The following QRFPR variants were observed in gnomAD, a reference collection of about 807,000 sequenced individuals.
QRFPR encodes pyroglutamylated RF-amide peptide receptor.
QRFPR carries 37 observed loss-of-function variants against 31.3 expected under a neutral mutation model. The ratio of observed to expected loss-of-function variants is 1.18; its 90% CI spans 0.91 to 1.56. The LOEUF (loss-of-function observed/expected upper bound fraction) is 1.56. QRFPR is among the 40% of genes most tolerant of loss of function. The pLI, the probability that QRFPR is intolerant of heterozygous loss-of-function variation, is 0.00. For missense variants in QRFPR, 542 were observed against 532.5 expected (o/e 1.02, Z -0.18); for synonymous variants, 197 against 192.0 (o/e 1.03, Z -0.22).
intron 1 of QRFPR, among the ~76,000 whole-genome samples, chr4:121,365,847 T>C (rs1726127058): frequency 1.4e-5 from 2 of 144,106 alleles, no homozygotes; most frequent in South Asian, 4.3e-4. Flanking sequence ...TGTAGTTTTA[T>C]CTGTAGAATA....
chr4:121,336,526 A>C (rs56272601), intron 3 of QRFPR, among the ~76,000 whole-genome samples: 39,242 of 152,160 alleles, frequency 0.26, 5,729 homozygotes, highest in Non-Finnish European at 0.34. Context: ...GACACTGGGA[A>C]AAGCATACTC....
intron 1 of QRFPR, chr4:121,370,104 G>A: frequency 1.3e-6 from 1 of 769,798 alleles, no homozygotes; most frequent in South Asian, 1.4e-5. Flanking sequence ...ACAGGGACTG[G>A]CAGGGGAGGG....
Position 121,336,869 on chromosome 4 carries a change from C to T in QRFPR, c.500-1G>A. 3 of 1,613,900 alleles carry T rather than the reference C, an allele frequency of 1.9e-6. No homozygotes were observed. The highest frequency in any genetic ancestry group is 1.7e-6 in the Non-Finnish European group (2 of 1,179,774). ...ATGACTGCCACCAGCCAGACCACAC[C>T]TGTAAAAGTGTTAAAGTCATGAGAG... On this transcript the variant is annotated splice_acceptor_variant, in intron 2 of 5. Transcript: ENST00000394427. LOFTEE classifies it high-confidence loss of function.
chr4:121,332,588 C>T (rs935031414), intron 4 of QRFPR, among the ~76,000 whole-genome samples: 3 of 152,182 alleles, frequency 2.0e-5, no homozygotes, highest in African/African-American at 7.2e-5. Context: ...AATTCCAAGT[C>T]AGTTTCTACC....
At position 121,380,628 on chromosome 4, in the gene QRFPR, G is replaced by A. The variant is rs1726474479; in HGVS notation, c.20C>T (p.Thr7Ile). ...CAGCAGCCGAGAGAACTGCTCCGGG[G>A]TAATGTTAAGCGCCTGCATTGCTGT... MQALNI[T>I]PEQFSRLLRD... Residue 7 changes from threonine (T) to isoleucine (I), a missense_variant, in exon 1 of 6, where the codon ACC (threonine) becomes ATC (isoleucine). Transcript: ENST00000394427. The A allele has an allele frequency of 6.3e-7, 1 of 1,576,880 alleles. No individual in the cohort carries two copies.
chr4:121,331,175 G>GTTTTTTTT (rs397995185), intron 4 of QRFPR, among the ~76,000 whole-genome samples: 2 of 69,038 alleles, frequency 2.9e-5, no homozygotes, highest in Non-Finnish European at 5.0e-5. Flanking sequence ...TATATCTTGG[G>GTTTTTTTT]TTTTTTTTTT....
chr4:121,354,037 C>T (rs373248189), intron 1 of QRFPR, among the ~76,000 whole-genome samples: 31 of 151,910 alleles, frequency 2.0e-4, no homozygotes, highest in African/African-American at 4.1e-4. Context: ...AATTTATTCC[C>T]GGGTTCTTTA....
In QRFPR at chr4:121,333,122, G is replaced by T. The variant is rs1351453018; in HGVS notation, c.562-66C>A. Reference sequence around the variant, plus strand: ...GCATCAAAAAACAGAAATCAGCCAAGTATTATTGCAACACAACATTTTTTA... The same window carrying T: ...GCATCAAAAAACAGAAATCAGCCAATTATTATTGCAACACAACATTTTTTA... On this transcript the variant is annotated intron_variant, in intron 3 of 5. Coordinates refer to ENST00000394427, the MANE Select transcript of QRFPR (RefSeq NM_198179.3). The T allele has an allele frequency of 4.9e-6, 5 of 1,029,924 alleles. No homozygotes were observed. The Admixed American group carries it at 8.6e-5, about 18-fold the overall frequency. The allele number at this position is 1,029,924 out of a possible 1,614,324, so 63.8% of individuals were successfully genotyped here.
intron 1 of QRFPR, among the ~76,000 whole-genome samples, chr4:121,379,616 A>AT (rs993640918): frequency 6.6e-6 from 1 of 151,734 alleles, no homozygotes; most frequent in Non-Finnish European, 1.5e-5. Flanking sequence ...CTCCTCTGTC[A>AT]TTTTTTTTCC....
intron 1 of QRFPR, among the ~76,000 whole-genome samples, chr4:121,375,009 A>G (rs550069224): frequency 2.0e-4 from 31 of 152,120 alleles, no homozygotes; most frequent in Non-Finnish European, 4.4e-4. Context: ...CCACAGCAGG[A>G]TGAAAGTGGA....
intron 4 of QRFPR, among the ~76,000 whole-genome samples, chr4:121,331,862 A>G (rs1725333973): frequency 6.6e-6 from 1 of 152,078 alleles, no homozygotes; most frequent in Non-Finnish European, 1.5e-5. Flanking sequence ...CATGTCGGTC[A>G]GGCTGGTCTC....
Position 121,332,859 on chromosome 4 carries a change from A to G in QRFPR, c.759T>C (p.Leu253=), listed in dbSNP as rs55975435. ...ACATTTCTTTTCCATGAATAGTTCG[A>G]AGCACTGAACCATCCCCAACTCTTT... The part of the protein sequence containing the change: ...IKKRVGDGSV[L]RTIHGKEMSK... Residue 253 remains leucine, a synonymous_variant, in exon 4 of 6, where the codon CTT becomes CTC. Transcript: ENST00000394427. 0.095 allele frequency: 153,162 copies of G among 1,613,332 alleles called. 7,541 individuals carry two copies. The highest frequency in any genetic ancestry group is 0.1 in the Middle Eastern group (635 of 6,062).
At position 121,333,208 on chromosome 4, in the gene QRFPR, T is replaced by C. The variant is rs1335538467; in HGVS notation, c.562-152A>G. ...ATGAGATACATTTTTAATTGTTCTT[T>C]TGTTGTGAAGCATAGTTTTTCCACT... On this transcript the variant is annotated intron_variant, in intron 3 of 5. Coordinates refer to ENST00000394427, the MANE Select transcript of QRFPR (RefSeq NM_198179.3). 6 of 603,706 alleles carry C rather than the reference T, an allele frequency of 9.9e-6. No homozygotes were observed. The East Asian group carries it at 1.7e-4, about 17-fold the overall frequency. The allele number at this position is 603,706 out of a possible 1,614,324, so 37.4% of individuals were successfully genotyped here.
intron 2 of QRFPR, 132 bp downstream of exon 2, chr4:121,340,320 T>C (rs2276957): frequency 0.17 from 171,245 of 991,208 alleles, 21,180 homozygotes; most frequent in East Asian, 0.58. Flanking sequence ...GGGAAAGCAC[T>C]GAAACTCTCA....
Position 121,332,082 on chromosome 4 carries a change from A to G in QRFPR, c.797+739T>C, listed in dbSNP as rs372354580. ...TTGACAAGAAGGGTTTCTTTATTCA[A>G]ACTGAGCACTAGAGCACTAGAGATC... On this transcript the variant is annotated intron_variant, in intron 4 of 5. Transcript: ENST00000394427. Among the ~76,000 whole-genome samples the G allele has an allele frequency of 5.3e-5, 8 of 152,266 alleles. No individual in the cohort carries two copies. The South Asian group carries it at 1.7e-3, about 32-fold the overall frequency.
chr4:121,353,814 A>G (rs928833491), intron 1 of QRFPR, among the ~76,000 whole-genome samples: 4 of 151,988 alleles, frequency 2.6e-5, no homozygotes, highest in African/African-American at 9.7e-5. Flanking sequence ...CTGTTTACCC[A>G]GTGTTTTATT....
chr4:121,335,578 TGG>T lies in QRFPR; in HGVS notation c.561+1227_561+1228del, dbSNP rs773427893. Among the ~76,000 whole-genome samples, 12 of 4,278 alleles carry T rather than the reference TGG, an allele frequency of 2.8e-3. No homozygotes were observed. The East Asian group carries it at 0.094, about 33-fold the overall frequency. The allele number at this position is 4,278 out of a possible 152,430, so 2.8% of individuals were successfully genotyped here. On this transcript the variant is annotated intron_variant, in intron 3 of 5. Coordinates refer to ENST00000394427, the MANE Select transcript of QRFPR (RefSeq NM_198179.3). ...GAGAGGCAGCCAATTGTATGGGGGG[TGG>T]GGGGTGGGGCGGGGAGAGGAGTGGG...
chr4:121,371,170 C>T (rs1726237755), intron 1 of QRFPR, among the ~76,000 whole-genome samples: 1 of 152,108 alleles, frequency 6.6e-6, no homozygotes, highest in African/African-American at 2.4e-5. Context: ...TTTCTATTAC[C>T]CTGAATAGCC....
chr4:121,355,117 T>A (rs1192361271), intron 1 of QRFPR, among the ~76,000 whole-genome samples: 1 of 152,116 alleles, frequency 6.6e-6, no homozygotes. Context: ...TCCGCTTTGA[T>A]TTTTTTGTAA....
Sources: gnomAD v4.1 joint callset for allele counts (sites outside exome capture counted in the v4.1 genomes callset) on GRCh38, gnomAD v4.1.1 for gene constraint, MANE v1.5 for transcripts, NCBI Gene and HGNC (gene_info 2026-07-23, HGNC 2026-07-21) for gene names.